The following ZNF16 variants were observed in gnomAD, a reference collection of about 807,000 sequenced individuals.
ZNF16 encodes zinc finger protein 16, also known as zinc finger protein KOX9.
A neutral mutation model predicts 9.0 loss-of-function variants in ZNF16; 7 were observed. That is an observed-to-expected ratio of 0.78 (90% CI 0.44 to 1.47). The LOEUF (loss-of-function observed/expected upper bound fraction) is 1.47. Ranked by LOEUF, ZNF16 falls within the 40% of genes most tolerant of loss-of-function variation. The pLI is 0.01. For synonymous variants in ZNF16, 312 were observed against 301.5 expected (o/e 1.03, Z -0.36); for missense variants, 830 against 854.2 (o/e 0.97, Z 0.35).
chr8:144,942,615 A>G (rs1833831774), intron 2 of ZNF16, among the ~76,000 whole-genome samples: 1 of 152,178 alleles, frequency 6.6e-6, no homozygotes, highest in African/African-American at 2.4e-5. Flanking sequence ...CTTACTGATT[A>G]CCATGATGAT....
chr8:144,950,324 T>G (rs1227849440), intron 1 of ZNF16: 1 of 152,242 alleles, frequency 6.6e-6, no homozygotes, highest in African/African-American at 2.4e-5. Flanking sequence ...GTCCTTAGTG[T>G]GCCGAGTGCC....
Position 144,930,560 on chromosome 8 carries a change from T to G in ZNF16, c.*178A>C. The G allele has an allele frequency of 1.6e-6, 1 of 637,078 alleles. No individual in the cohort carries two copies. The highest frequency in any genetic ancestry group is 2.5e-6 in the Non-Finnish European group (1 of 392,284). 39.5% of individuals were successfully genotyped at this position (637,078 alleles called of 1,614,324 possible). ...TCACAAGAGGCAAGAGCAGTGGCAG[T>G]GAGAAGGGAGCCTGTAAAGGATGTT... On this transcript the variant is annotated 3_prime_UTR_variant, in exon 3 of 3. Coordinates refer to ENST00000394909, the MANE Select transcript of ZNF16 (RefSeq NM_006958.3).
chr8:144,949,574 C>T (rs1252624837), intron 1 of ZNF16, among the ~76,000 whole-genome samples: 5 of 152,216 alleles, frequency 3.3e-5, no homozygotes, highest in Admixed American at 6.5e-5. Flanking sequence ...TGTAACTTTG[C>T]CCCAGCCACT....
intron 2 of ZNF16, among the ~76,000 whole-genome samples, chr8:144,939,005 T>C (rs1396667846): frequency 2.6e-5 from 4 of 152,218 alleles, no homozygotes; most frequent in Non-Finnish European, 5.9e-5. Flanking sequence ...TCATAGTTTT[T>C]CTCCTTCGTT....
At chr8:144,950,736 C>T (rs1834096774) in intron 1 of ZNF16, 61 bp downstream of exon 1, 1 of 152,204 alleles carries the variant, frequency 6.6e-6, no homozygotes, top group Admixed American at 6.5e-5. Context: ...GCCCCCCAAC[C>T]ACGGGGGCAT....
chr8:144,937,819 C>T (rs1833718686), intron 2 of ZNF16, among the ~76,000 whole-genome samples: 1 of 147,090 alleles, frequency 6.8e-6, no homozygotes, highest in African/African-American at 2.5e-5. Context: ...GGCACCAACA[C>T]AACTGGCTAT....
rs1833601305 is a variant in ZNF16, at chr8:144,933,261, G to A, written c.197-671C>T. 2.0e-5 allele frequency among the ~76,000 whole-genome samples: 3 copies of A among 152,140 alleles called. No individual in the cohort carries two copies. Among genetic ancestry groups the A allele is most frequent in the Admixed American group, 1.3e-4 (2 of 15,276 alleles). ...CCACTCCTGTGCGGCAGGGACCTGT[G>A]TGGAACATCAGATTCCATCCTGTTC... On this transcript the variant is annotated intron_variant, in intron 2 of 2. Coordinates refer to ENST00000394909, the MANE Select transcript of ZNF16 (RefSeq NM_006958.3). The surrounding 1 kb of genome is among the most constrained non-coding windows in gnomAD (Gnocchi z 5.6).
Position 144,946,134 on chromosome 8 carries a change from G to A in ZNF16, c.73C>T (p.Pro25Ser). The stretch of plus-strand genomic sequence containing the variant: ...TCTCTCACACGGGCCTGGGCTGCAG[G>A]GGTCCAGGGGGATGGTCCTGGAACT... ...LSVPGPSPWT[P>S]AAQARVRDAP... The change falls in exon 2 of 3, where the codon CCT becomes TCT. Residue 25 changes from proline (P) to serine (S), a missense_variant. Coordinates refer to ENST00000394909, the MANE Select transcript of ZNF16 (RefSeq NM_006958.3). 6.3e-7 allele frequency: 1 copy of A among 1,592,554 alleles called. No individual in the cohort carries two copies. Among genetic ancestry groups the A allele is most frequent in the Non-Finnish European group, 8.6e-7 (1 of 1,164,738 alleles).
chr8:144,943,963 G>C (rs1833864013), intron 2 of ZNF16: 1 of 151,336 alleles, frequency 6.6e-6, no homozygotes, highest in Non-Finnish European at 1.5e-5. Flanking sequence ...TTTAGTTCCA[G>C]ACTTTCTATG....
intron 2 of ZNF16, among the ~76,000 whole-genome samples, chr8:144,939,044 G>C (rs982266280): frequency 5.9e-5 from 9 of 152,126 alleles, no homozygotes; most frequent in African/African-American, 2.2e-4. Context: ...ACAACACTAG[G>C]TTTTCTTATG....
chr8:144,944,650 CA>C (rs1226480381), intron 2 of ZNF16: 2 of 152,202 alleles, frequency 1.3e-5, no homozygotes, highest in African/African-American at 4.8e-5. Flanking sequence ...TTGAATGGGA[CA>C]TATTTTTTTG....
At position 144,932,043 on chromosome 8, in the gene ZNF16, C is replaced by T. The variant is rs375567689; in HGVS notation, c.744G>A (p.Gln248=). The change falls in exon 3 of 3, where the codon CAG becomes CAA. Residue 248 remains glutamine (Q), a synonymous_variant. Transcript: ENST00000394909. This position sits in a 1 kb window ranked among gnomAD's most constrained non-coding sequence, Gnocchi z 5.0. ...MCDDCGKTFS[Q]NSVLKNRHRS... ...GATGACGGTTTTTAAGAACTGAGTT[C>T]TGGCTGAAGGTTTTCCCACAATCAT... The T allele has an allele frequency of 2.5e-6, 4 of 1,614,080 alleles. No individual in the cohort carries two copies. The African/African-American group carries it at 4.0e-5, about 16-fold the overall frequency.
At chr8:144,949,828 G>A (rs1170443474) in intron 1 of ZNF16, among the ~76,000 whole-genome samples, 1 of 152,188 alleles carries the variant, frequency 6.6e-6, no homozygotes, top group Non-Finnish European at 1.5e-5. Context: ...CTGAAATATG[G>A]CCTCATGGGA....
Position 144,931,652 on chromosome 8 carries a change from A to G in ZNF16, c.1135T>C (p.Cys379Arg). ...RTHTGEKPFE[C>R]GECGKAFSQS... Reference sequence around the variant, plus strand: ...CTGAAGGCTTTCCCACACTCGCCACACTCAAAAGGCTTCTCTCCTGTGTGA... The same window carrying G: ...CTGAAGGCTTTCCCACACTCGCCACGCTCAAAAGGCTTCTCTCCTGTGTGA... The change falls in exon 3 of 3, where the codon TGT becomes CGT. Residue 379 changes from cysteine (C) to arginine (R), a missense_variant. By Grantham distance (180) the Cys-to-Arg change is radical. Coordinates refer to ENST00000394909, the MANE Select transcript of ZNF16 (RefSeq NM_006958.3). The G allele has an allele frequency of 6.2e-7, 1 of 1,613,874 alleles. No homozygotes were observed. The highest frequency in any genetic ancestry group is 8.5e-7 in the Non-Finnish European group (1 of 1,179,998).
chr8:144,946,249 G>C, intron 1 of ZNF16, 34 bp from the exon 2 acceptor site: 2 of 1,472,884 alleles, frequency 1.4e-6, no homozygotes, highest in Non-Finnish European at 1.8e-6. Context: ...TGAGTCTACA[G>C]ACAGGCTAGC....
At position 144,932,171 on chromosome 8, in the gene ZNF16, C is replaced by G; in HGVS notation, c.616G>C (p.Glu206Gln). Residue 206 changes from glutamate to glutamine, a missense_variant, in exon 3 of 3, where the codon GAA becomes CAA. Glu to Gln is a conservative substitution (Grantham distance 29). Coordinates refer to ENST00000394909, the MANE Select transcript of ZNF16 (RefSeq NM_006958.3). The surrounding 1 kb of genome is among the most constrained non-coding windows in gnomAD (Gnocchi z 5.0). ...CACTCATTACATATGAGTGGACTTT[C>G]AGCTGTGGGAACCCCCTCATGACCA... is the stretch of plus-strand genomic sequence containing the variant. ...LTGHEGVPTA[E>Q]SPLICNECGK... The G allele has an allele frequency of 6.2e-7, 1 of 1,614,192 alleles. No individual in the cohort carries two copies. The highest frequency in any genetic ancestry group is 1.1e-5 in the South Asian group (1 of 91,082).
At chr8:144,947,049 C>T (rs1240825528) in intron 1 of ZNF16, among the ~76,000 whole-genome samples, 1 of 134,408 alleles carries the variant, frequency 7.4e-6, no homozygotes, top group Non-Finnish European at 1.5e-5. Flanking sequence ...TGCTGTTGGG[C>T]CTGTGTCCTG....
At position 144,932,781 on chromosome 8, in the gene ZNF16, G is replaced by A. The variant is rs991420680; in HGVS notation, c.197-191C>T. Among the ~76,000 whole-genome samples the A allele has an allele frequency of 1.3e-5, 2 of 152,116 alleles. No homozygotes were observed. Among genetic ancestry groups the A allele is most frequent in the African/African-American group, 2.4e-5 (1 of 41,414 alleles). ...CTGGGTGATTAGGCTGCATGGGGCT[G>A]CAGATGAGTGAGAGCTCTTGATGAC... On this transcript the variant is annotated intron_variant, in intron 2 of 2. Coordinates refer to ENST00000394909, the MANE Select transcript of ZNF16 (RefSeq NM_006958.3). This position sits in a 1 kb window ranked among gnomAD's most constrained non-coding sequence, Gnocchi z 5.0.
intron 2 of ZNF16, among the ~76,000 whole-genome samples, chr8:144,936,455 G>A (rs1323272680): frequency 6.6e-6 from 1 of 152,040 alleles, no homozygotes; most frequent in South Asian, 2.1e-4. Flanking sequence ...TCAAACTTTT[G>A]AGGAACCACC....
Sources: gnomAD v4.1 joint callset for allele counts (sites outside exome capture counted in the v4.1 genomes callset) on GRCh38, gnomAD v4.1.1 for gene constraint, Gnocchi (gnomAD v3.1) non-coding constraint, MANE v1.5 for transcripts, NCBI Gene and HGNC (gene_info 2026-07-23, HGNC 2026-07-21) for gene names.